AHCYL2: variants seen among roughly 807,000 people sequenced by gnomAD.
AHCYL2 encodes S-adenosylhomocysteine hydrolase-like protein 2.
In AHCYL2, 28 loss-of-function variants were observed where a neutral mutation model predicts 81.4. That is an observed-to-expected ratio of 0.34 (90% CI 0.25 to 0.47). AHCYL2 has a LOEUF of 0.47. Ranked by LOEUF, AHCYL2 falls within the 20% of genes least tolerant of loss-of-function variation. The pLI is 1.00. For synonymous variants in AHCYL2, 272 were observed against 290.2 expected, an observed-to-expected ratio of 0.94 and a Z score of 0.64; for missense variants, 551 against 785.1, an observed-to-expected ratio of 0.70 and a Z score of 3.56.
chr7:129,330,140 A>G (rs1798367369), intron 1 of AHCYL2, among the ~76,000 whole-genome samples: 1 of 152,150 alleles, frequency 6.6e-6, no homozygotes, highest in African/African-American at 2.4e-5. Context: ...AGTAGCTGGG[A>G]CTACAGGAAT....
At chr7:129,246,042 G>T (rs577801291) in intron 1 of AHCYL2, among the ~76,000 whole-genome samples, 1 of 151,454 alleles carries the variant, frequency 6.6e-6, no homozygotes, top group South Asian at 2.1e-4. Flanking sequence ...ATCCTAATAG[G>T]TGTGAAGTAT....
chr7:129,239,342 A>G lies in AHCYL2; in HGVS notation c.363+13903A>G, dbSNP rs186489150. ...GGTAACTCTGGCTCTGTACTAGCAT[A>G]TATCTGTCAGAACCTCAATTTTGTA... is the stretch of plus-strand genomic sequence containing the variant. On this transcript the variant is annotated intron_variant, in intron 1 of 16. Coordinates refer to ENST00000325006, the MANE Select transcript of AHCYL2 (RefSeq NM_015328.4). Among the ~76,000 whole-genome samples, 528 of 152,242 alleles carry G rather than the reference A, an allele frequency of 3.5e-3. 2 individuals are homozygous for G. The highest frequency in any genetic ancestry group is 0.012 in the African/African-American group (501 of 41,530).
At position 129,399,453 on chromosome 7, in the gene AHCYL2, A is replaced by G. The variant is rs573808245; in HGVS notation, c.824-837A>G. Among the ~76,000 whole-genome samples, 7 of 152,044 alleles carry G rather than the reference A, an allele frequency of 4.6e-5. No individual in the cohort carries two copies. In the South Asian group the frequency reaches 1.2e-3, roughly 27 times the overall value. On this transcript the variant is annotated intron_variant, in intron 5 of 16. Coordinates refer to ENST00000325006, the MANE Select transcript of AHCYL2 (RefSeq NM_015328.4). ...CAGAGCAAGACTCCGTCTCAAAAAA[A>G]AAAAAGAAAAGAAAAGTTAAGATTC...
intron 11 of AHCYL2, among the ~76,000 whole-genome samples, chr7:129,412,991 A>C (rs2150952420): frequency 6.6e-6 from 1 of 152,010 alleles, no homozygotes; most frequent in African/African-American, 2.4e-5. Flanking sequence ...GGCACATGCC[A>C]CCACACCCAG....
At position 129,423,317 on chromosome 7, in the gene AHCYL2, A is replaced by G. The variant is rs941799945; in HGVS notation, c.1560+379A>G. On this transcript the variant is annotated intron_variant, in intron 13 of 16. Coordinates refer to ENST00000325006, the MANE Select transcript of AHCYL2 (RefSeq NM_015328.4). ...GATATGCCCGACTGTAACCAGGACTATCTTAGGCAAGTTCTGGGAATGTAT... is the reference window on the plus strand; with the variant it reads ...GATATGCCCGACTGTAACCAGGACTGTCTTAGGCAAGTTCTGGGAATGTAT... Among the ~76,000 whole-genome samples, 5 of 152,212 alleles carry G rather than the reference A, an allele frequency of 3.3e-5. No homozygotes were observed. The South Asian group carries it at 1.0e-3, about 32-fold the overall frequency.
intron 1 of AHCYL2, among the ~76,000 whole-genome samples, chr7:129,360,515 C>A (rs925784476): frequency 3.9e-5 from 6 of 152,220 alleles, no homozygotes; most frequent in African/African-American, 1.4e-4. Flanking sequence ...AACTTCTGTT[C>A]TCAGATTGCT....
chr7:129,361,515 T>C (rs1252791947), intron 1 of AHCYL2, among the ~76,000 whole-genome samples: 1 of 152,244 alleles, frequency 6.6e-6, no homozygotes, highest in Admixed American at 6.5e-5. Flanking sequence ...TAAATATTTG[T>C]GATTTGATTA....
chr7:129,293,085 G>A (rs2150753049), intron 1 of AHCYL2, among the ~76,000 whole-genome samples: 1 of 152,080 alleles, frequency 6.6e-6, no homozygotes, highest in South Asian at 2.1e-4. Context: ...GAGTAGCTGT[G>A]ATTATAGGCG....
intron 1 of AHCYL2, among the ~76,000 whole-genome samples, chr7:129,234,033 C>A (rs1256740586): frequency 1.3e-5 from 2 of 151,632 alleles, no homozygotes; most frequent in Non-Finnish European, 2.9e-5. Context: ...TCTTTCTTCT[C>A]TCTCTTTCTC....
chr7:129,413,724 C>A, intron 12 of AHCYL2, 36 bp downstream of exon 12: 1 of 1,562,366 alleles, frequency 6.4e-7, no homozygotes. Flanking sequence ...GGGCTTTTTT[C>A]TCTCCTTCAC....
rs117106946 is a variant in AHCYL2, at chr7:129,395,275, A to G, written c.721-1947A>G. On this transcript the variant is annotated intron_variant, in intron 4 of 16. Transcript: ENST00000325006. Reference sequence around the variant, plus strand: ...TTCAAGTACCTGCCTCATCTGCCGCACTAGACTGCTGCTCTTTGTTTCCTG... The same window carrying G: ...TTCAAGTACCTGCCTCATCTGCCGCGCTAGACTGCTGCTCTTTGTTTCCTG... Among the ~76,000 whole-genome samples, 882 of 152,278 alleles carry G rather than the reference A, an allele frequency of 5.8e-3. 7 individuals carry two copies. Among genetic ancestry groups the G allele is most frequent in the Non-Finnish European group, 0.011 (751 of 68,008 alleles).
At chr7:129,321,757 TTTTTTTTGGTCTTGG>T (rs1335000291) in intron 1 of AHCYL2, among the ~76,000 whole-genome samples, 5 of 146,994 alleles carry the variant, frequency 3.4e-5, no homozygotes, top group African/African-American at 1.2e-4. Context: ...TTTTTTTTTT[TTTTTTTTGGTCTTGG>T]TTTTGTTTTT....
intron 1 of AHCYL2, among the ~76,000 whole-genome samples, chr7:129,272,777 A>G (rs771685296): frequency 1.3e-5 from 2 of 152,236 alleles, no homozygotes; most frequent in South Asian, 4.1e-4. Context: ...TGATAAATGA[A>G]CTAAAAAATG....
chr7:129,267,312 AT>A (rs944263362), intron 1 of AHCYL2, among the ~76,000 whole-genome samples: 10 of 146,478 alleles, frequency 6.8e-5, no homozygotes, highest in Admixed American at 5.5e-4. Context: ...CTTATTAGGT[AT>A]TTTTTTTTGA....
At chr7:129,357,900 C>T (rs1161399515) in intron 1 of AHCYL2, among the ~76,000 whole-genome samples, 2 of 149,820 alleles carry the variant, frequency 1.3e-5, no homozygotes, top group African/African-American at 4.9e-5. Context: ...GGCCACTGCA[C>T]TCCAGCCTGG....
intron 1 of AHCYL2, among the ~76,000 whole-genome samples, chr7:129,303,565 G>T (rs1218404329): frequency 6.6e-6 from 1 of 151,966 alleles, no homozygotes; most frequent in Non-Finnish European, 1.5e-5. Flanking sequence ...TCTGGCTAAA[G>T]GTTTGTCAAT....
rs554977661 is a variant in AHCYL2 at position 129,410,993 on chromosome 7, G to A, written c.1366+1447G>A. On this transcript the variant is annotated intron_variant, in intron 11 of 16. Coordinates refer to ENST00000325006, the MANE Select transcript of AHCYL2 (RefSeq NM_015328.4). The stretch of plus-strand genomic sequence containing the variant: ...TCTCCAGGCTGGTCTCAAACTCCTG[G>A]CCTCAGCGTGGTTCTCCCACCTCTG... Among the ~76,000 whole-genome samples, 4 of 152,006 alleles carry A rather than the reference G, an allele frequency of 2.6e-5. No homozygotes were observed. In the South Asian group the frequency reaches 6.2e-4, roughly 24 times the overall value.
intron 1 of AHCYL2, among the ~76,000 whole-genome samples, chr7:129,344,362 G>T (rs1793288310): frequency 6.6e-6 from 1 of 152,068 alleles, no homozygotes; most frequent in African/African-American, 2.4e-5. Flanking sequence ...ATCAATAAAT[G>T]AATGGATAAA....
chr7:129,291,807 G>C (rs953165528), intron 1 of AHCYL2, among the ~76,000 whole-genome samples: 1 of 151,580 alleles, frequency 6.6e-6, no homozygotes, highest in African/African-American at 2.4e-5. Context: ...GGGTTTCACC[G>C]TGTTAGCCAG....
Sources: gnomAD v4.1 joint callset for allele counts (sites outside exome capture counted in the v4.1 genomes callset) on GRCh38, gnomAD v4.1.1 for gene constraint, MANE v1.5 for transcripts, NCBI Gene and HGNC (gene_info 2026-07-23, HGNC 2026-07-21) for gene names.